Variants in ZNF430 observed in about 807,000 individuals in gnomAD.
ZNF430 encodes the protein zinc finger protein 430.
In ZNF430, 35 loss-of-function variants were observed where a neutral mutation model predicts 56.7. That is an observed-to-expected ratio of 0.62 (90% CI 0.47 to 0.82). The LOEUF is 0.82. ZNF430 is among the 40% of genes least tolerant of loss of function. The probability of loss-of-function intolerance (pLI) is 0.00; values close to 1 mark genes in which losing one functional copy is unlikely to be tolerated. For missense variants in ZNF430, 574 were observed against 661.0 expected, an observed-to-expected ratio of 0.87 and a Z score of 1.44; for synonymous variants, 212 against 224.3, an observed-to-expected ratio of 0.94 and a Z score of 0.49.
intron 2 of ZNF430, among the ~76,000 whole-genome samples, chr19:21,024,017 CAT>C (rs1967746720): frequency 6.6e-6 from 1 of 152,146 alleles, no homozygotes; most frequent in South Asian, 2.1e-4. Flanking sequence ...TTTTCAAACA[CAT>C]AGTTTCAAAA....
At chr19:21,043,296 A>G (rs1968138832) in intron 4 of ZNF430, among the ~76,000 whole-genome samples, 1 of 152,224 alleles carries the variant, frequency 6.6e-6, no homozygotes, top group East Asian at 1.9e-4. Flanking sequence ...TAACTTTTGT[A>G]CAGGTGTAAG....
rs147946043 is a variant in ZNF430 at position 21,047,618 on chromosome 19, T to A, written c.323-9013T>A. Among the ~76,000 whole-genome samples, 105 of 152,334 alleles carry A rather than the reference T, an allele frequency of 6.9e-4. 1 individual carries two copies. In the East Asian group the frequency reaches 0.019, roughly 27 times the overall value. On this transcript the variant is annotated intron_variant, in intron 4 of 4. Transcript: ENST00000261560. The stretch of plus-strand genomic sequence containing the variant: ...TAGCACTGTTGTGATTTGCTTGGGA[T>A]CTACTTCAGACCCTATTTGCCTGGG...
At chr19:21,044,636 G>A (rs1031363834) in intron 4 of ZNF430, among the ~76,000 whole-genome samples, 1 of 151,930 alleles carries the variant, frequency 6.6e-6, no homozygotes, top group African/African-American at 2.4e-5. Context: ...TCTATCATTT[G>A]GAATAGTTTC....
rs1968417982 is a variant in ZNF430 at position 21,058,340 on chromosome 19, A to C, written c.*319A>C. The stretch of plus-strand genomic sequence containing the variant: ...ATGCCTGTAATCCCAGCTACTCGGG[A>C]GGCTGAGGCAGGAGAATTGCTTGAA... On this transcript the variant is annotated 3_prime_UTR_variant, in exon 5 of 5. Coordinates refer to ENST00000261560, the MANE Select transcript of ZNF430 (RefSeq NM_025189.4). 4.6e-6 allele frequency: 1 copy of C among 216,568 alleles called. No homozygotes were observed. The highest frequency in any genetic ancestry group is 9.2e-6 in the Non-Finnish European group (1 of 108,152). The allele number at this position is 216,568 out of a possible 1,614,324, so 13.4% of individuals were successfully genotyped here.
At chr19:21,034,800 A>C (rs1268550506) in intron 4 of ZNF430, 1 of 152,218 alleles carries the variant, frequency 6.6e-6, no homozygotes, top group Non-Finnish European at 1.5e-5. Flanking sequence ...TGGCCTCCCA[A>C]AGTACTAGGA....
At chr19:21,052,043 T>G (rs1385017532) in intron 4 of ZNF430, among the ~76,000 whole-genome samples, 1 of 152,202 alleles carries the variant, frequency 6.6e-6, no homozygotes, top group Non-Finnish European at 1.5e-5. Flanking sequence ...TATGGACGTC[T>G]TCAAAATATT....
At position 21,057,793 on chromosome 19, in the gene ZNF430, C is replaced by T. The variant is rs1363700990; in HGVS notation, c.1485C>T (p.Asn495=). 2.5e-6 allele frequency: 4 copies of T among 1,613,908 alleles called. No homozygotes were observed. Among genetic ancestry groups the T allele is most frequent in the Non-Finnish European group, 2.5e-6 (3 of 1,180,012 alleles). ...GTGAAGAATGTGGCAAAGCTTTTAA[C>T]CAATTCTCAAACCTTACTAAACATA... ...YKCEECGKAF[N]QFSNLTKHKI... is the part of the protein sequence containing the mutation. Residue 495 remains asparagine (N), a synonymous_variant, in exon 5 of 5, where the codon AAC becomes AAT. Coordinates refer to ENST00000261560, the MANE Select transcript of ZNF430 (RefSeq NM_025189.4).
At chr19:21,026,266 G>T (rs1000066724) in intron 2 of ZNF430, among the ~76,000 whole-genome samples, 23 of 151,506 alleles carry the variant, frequency 1.5e-4, no homozygotes, top group South Asian at 4.2e-4. Flanking sequence ...TCAGCTCACT[G>T]CAACCTCCGC....
At position 21,056,882 on chromosome 19, in the gene ZNF430, C is replaced by A; in HGVS notation, c.574C>A (p.Pro192Thr). The A allele has an allele frequency of 6.2e-7, 1 of 1,608,922 alleles. No homozygotes were observed. The highest frequency in any genetic ancestry group is 2.2e-5 in the East Asian group (1 of 44,796). Residue 192 changes from proline to threonine, a missense_variant, in exon 5 of 5, where the codon CCA (proline) becomes ACA (threonine). This residue lies in a region of ZNF430 where 346 missense variants were observed against 399.1 expected (regional missense o/e 0.87). Coordinates refer to ENST00000261560, the MANE Select transcript of ZNF430 (RefSeq NM_025189.4). ...GAATGTCTTTTATAAATTTTCAAAT[C>A]CAAATATACAAAAGATAAGACATAC... Reference protein sequence around the residue: ...YVNVFYKFSNPNIQKIRHTGK... With the variant: ...YVNVFYKFSNTNIQKIRHTGK...
chr19:21,028,759 C>T (rs1967848711), intron 2 of ZNF430, among the ~76,000 whole-genome samples: 1 of 152,134 alleles, frequency 6.6e-6, no homozygotes, highest in Non-Finnish European at 1.5e-5. Flanking sequence ...GATCTCGGCT[C>T]ACTGCAACCT....
rs1048103546 is a variant in ZNF430 at position 21,025,832 on chromosome 19, C to T, written c.96+2951C>T. Reference sequence around the variant, plus strand: ...TCCATCTCCTCCTCCCATTAGTCAGCCATTGGAACTGGGAAACCTCCTACT... The same window carrying T: ...TCCATCTCCTCCTCCCATTAGTCAGTCATTGGAACTGGGAAACCTCCTACT... On this transcript the variant is annotated intron_variant, in intron 2 of 4. Coordinates refer to ENST00000261560, the MANE Select transcript of ZNF430 (RefSeq NM_025189.4). 1.8e-5 allele frequency: 4 copies of T among 228,354 alleles called. No individual in the cohort carries two copies. The East Asian group carries it at 4.7e-4, about 27-fold the overall frequency. 14.1% of individuals were successfully genotyped at this position (228,354 alleles called of 1,614,324 possible).
chr19:21,022,970 C>A, intron 2 of ZNF430, 89 bp downstream of exon 2: 2 of 942,902 alleles, frequency 2.1e-6, no homozygotes, highest in South Asian at 1.4e-5. Context: ...CAGACTGTGG[C>A]ATTGAGGGGA....
chr19:21,048,457 C>T (rs1195325956), intron 4 of ZNF430, among the ~76,000 whole-genome samples: 1 of 151,804 alleles, frequency 6.6e-6, no homozygotes, highest in Non-Finnish European at 1.5e-5. Flanking sequence ...TCCATTTAAC[C>T]CTGAGTGGAC....
Position 21,020,719 on chromosome 19 carries a change from A to G in ZNF430, c.-82A>G. 1 of 1,579,812 alleles carries G rather than the reference A, an allele frequency of 6.3e-7. No homozygotes were observed. Among genetic ancestry groups the G allele is most frequent in the Non-Finnish European group, 8.7e-7 (1 of 1,150,286 alleles). On this transcript the variant is annotated 5_prime_UTR_variant, in exon 1 of 5. Coordinates refer to ENST00000261560, the MANE Select transcript of ZNF430 (RefSeq NM_025189.4). ...AGCGCTCTGTGTCCTCTGCTCCTAG[A>G]GGTCCAGGCTCTGTGGCCCTGTGAC... is the stretch of plus-strand genomic sequence containing the variant.
At chr19:21,050,945 T>C (rs1968273298) in intron 4 of ZNF430, among the ~76,000 whole-genome samples, 1 of 152,084 alleles carries the variant, frequency 6.6e-6, no homozygotes, top group African/African-American at 2.4e-5. Flanking sequence ...GGAGAATCAC[T>C]TGAACCCGGG....
At chr19:21,037,171 A>G (rs929776756) in intron 4 of ZNF430, among the ~76,000 whole-genome samples, 3 of 150,076 alleles carry the variant, frequency 2.0e-5, no homozygotes, top group East Asian at 3.9e-4. Context: ...CTGGAGTGCA[A>G]TGACGCAATC....
intron 4 of ZNF430, among the ~76,000 whole-genome samples, chr19:21,046,475 A>G (rs1401684387): frequency 6.6e-6 from 1 of 152,038 alleles, no homozygotes; most frequent in Non-Finnish European, 1.5e-5. Flanking sequence ...GTGGCTAGTA[A>G]TGGTTTTTTT....
chr19:21,021,000 C>G (rs1483946432), intron 1 of ZNF430, among the ~76,000 whole-genome samples, 197 bp downstream of exon 1: 1 of 152,216 alleles, frequency 6.6e-6, no homozygotes, highest in Non-Finnish European at 1.5e-5. Flanking sequence ...CACGTCCCGT[C>G]TCTTCCTTGC....
chr19:21,055,442 T>TTG (rs1555803474), intron 4 of ZNF430, among the ~76,000 whole-genome samples: 2 of 151,648 alleles, frequency 1.3e-5, no homozygotes, highest in Non-Finnish European at 2.9e-5. Context: ...TAGTTTTTTT[T>TTG]TTTGTTTGTT....
Sources: allele counts gnomAD v4.1 joint callset (sites outside exome capture counted in the v4.1 genomes callset), GRCh38; gene constraint gnomAD v4.1.1; regional missense constraint gnomAD v4.1.1; transcripts MANE v1.5; gene names NCBI Gene and HGNC (gene_info 2026-07-23, HGNC 2026-07-21).